Variants in ANTXR2 observed in about 807,000 individuals in gnomAD.
ANTXR2 encodes anthrax toxin receptor 2.
A neutral mutation model predicts 73.7 loss-of-function variants in ANTXR2; 44 were observed. The ratio of observed to expected loss-of-function variants is 0.60; its 90% CI spans 0.47 to 0.77. ANTXR2 has a LOEUF of 0.77. Among genes scored for constraint, ANTXR2 ranks in the 30% least tolerant of loss-of-function variants. The pLI is 0.00. For synonymous variants in ANTXR2, 217 were observed against 205.9 expected (o/e 1.05, Z -0.46); for missense variants, 604 against 592.5 (o/e 1.02, Z -0.20).
intron 16 of ANTXR2, among the ~76,000 whole-genome samples, chr4:79,925,349 G>T (rs1578087571): frequency 6.7e-6 from 1 of 149,482 alleles, no homozygotes; most frequent in African/African-American, 2.5e-5. Flanking sequence ...ATTTATGCAG[G>T]TTTCTTGGGC....
At chr4:80,012,515 T>C (rs1165056488) in intron 11 of ANTXR2, among the ~76,000 whole-genome samples, 2 of 152,222 alleles carry the variant, frequency 1.3e-5, no homozygotes, top group Admixed American at 1.3e-4. Context: ...AGAGACCATA[T>C]GGCCCCCAAA....
At chr4:79,999,926 A>C (rs1240918374) in intron 12 of ANTXR2, among the ~76,000 whole-genome samples, 4 of 152,158 alleles carry the variant, frequency 2.6e-5, no homozygotes, top group African/African-American at 9.6e-5. Context: ...CTCAAAAAAA[A>C]ATCTGAGCAA....
intron 12 of ANTXR2, among the ~76,000 whole-genome samples, chr4:79,993,760 G>GTGCACACACACA (rs1553931142): frequency 1.2e-4 from 17 of 140,658 alleles, no homozygotes; most frequent in Non-Finnish European, 1.8e-4. Context: ...ACACACACAC[G>GTGCACACACACA]CACACACACA....
intron 16 of ANTXR2, among the ~76,000 whole-genome samples, chr4:79,960,272 C>T (rs1406228532): frequency 6.6e-6 from 1 of 152,096 alleles, no homozygotes; most frequent in South Asian, 2.1e-4. Context: ...TAATATGATT[C>T]AAAACAAAAG....
In ANTXR2 at chr4:79,996,368, T is replaced by C. The variant is rs140779109; in HGVS notation, c.1042-11505A>G. Among the ~76,000 whole-genome samples the C allele has an allele frequency of 2.4e-3, 369 of 151,952 alleles. 1 individual carries two copies. Among genetic ancestry groups the C allele is most frequent in the African/African-American group, 4.5e-3 (185 of 41,490 alleles). On this transcript the variant is annotated intron_variant, in intron 12 of 16. Transcript: ENST00000403729. ...ATGGATGGATGGATGAATGAATGAATTGACAAATAGATGATAGATAATTAC... is the reference window on the plus strand; with the variant it reads ...ATGGATGGATGGATGAATGAATGAACTGACAAATAGATGATAGATAATTAC...
rs374355029 is a variant in ANTXR2 at position 80,002,357 on chromosome 4, G to A, written c.1041+6164C>T. 1.7e-3 allele frequency among the ~76,000 whole-genome samples: 263 copies of A among 152,142 alleles called. 2 individuals are homozygous for A. Among genetic ancestry groups the A allele is most frequent in the African/African-American group, 5.8e-3 (242 of 41,530 alleles). ...GGTGCTGGGAAAACTGGCTAGCCATGTGTAGAAAGCTGAAACTGGATCCCT... is the reference window on the plus strand; with the variant it reads ...GGTGCTGGGAAAACTGGCTAGCCATATGTAGAAAGCTGAAACTGGATCCCT... On this transcript the variant is annotated intron_variant, in intron 12 of 16. Coordinates refer to ENST00000403729, the MANE Select transcript of ANTXR2 (RefSeq NM_058172.6).
chr4:79,934,336 C>T (rs1728176416), intron 16 of ANTXR2, among the ~76,000 whole-genome samples: 1 of 152,098 alleles, frequency 6.6e-6, no homozygotes, highest in Non-Finnish European at 1.5e-5. Flanking sequence ...CAAGACCAGC[C>T]TGGCCAACAT....
chr4:80,043,358 C>T (rs1018877684), intron 7 of ANTXR2, among the ~76,000 whole-genome samples: 3 of 151,978 alleles, frequency 2.0e-5, no homozygotes, highest in Non-Finnish European at 4.4e-5. Context: ...ACCTTCTCTC[C>T]TACTTAAGAT....
chr4:79,925,991 T>A (rs62297557), intron 16 of ANTXR2, among the ~76,000 whole-genome samples: 12,433 of 152,100 alleles, frequency 0.082, 598 homozygotes, highest in Middle Eastern at 0.19. Context: ...ATATCTACCA[T>A]CAATGAGTGT....
chr4:79,953,756 A>G (rs761738082), intron 16 of ANTXR2, among the ~76,000 whole-genome samples: 1 of 152,076 alleles, frequency 6.6e-6, no homozygotes, highest in East Asian at 1.9e-4. Context: ...CCTCTGGACA[A>G]TATCTGTAGG....
chr4:80,011,027 G>C (rs1731547986), intron 11 of ANTXR2, among the ~76,000 whole-genome samples: 1 of 151,788 alleles, frequency 6.6e-6, no homozygotes, highest in Admixed American at 6.6e-5. Context: ...GGCGCCTGTA[G>C]TCCCAGCTAC....
Position 80,072,722 on chromosome 4 carries a change from G to A in ANTXR2, c.-162C>T, listed in dbSNP as rs1488523338. ...AGCGGGACCCACCAGCTGACAGGGAGGGAGAGAGGGAGGTCCTGAGAGGAC... is the reference window on the plus strand; with the variant it reads ...AGCGGGACCCACCAGCTGACAGGGAAGGAGAGAGGGAGGTCCTGAGAGGAC... On this transcript the variant is annotated 5_prime_UTR_variant, in exon 1 of 17. Transcript: ENST00000403729. The A allele has an allele frequency of 2.2e-6, 3 of 1,347,600 alleles. No homozygotes were observed. The highest frequency in any genetic ancestry group is 1.9e-6 in the Non-Finnish European group (2 of 1,055,068). The allele number at this position is 1,347,600 out of a possible 1,614,324, so 83.5% of individuals were successfully genotyped here.
At chr4:80,044,346 T>A (rs1295472656) in intron 7 of ANTXR2, among the ~76,000 whole-genome samples, 1 of 151,952 alleles carries the variant, frequency 6.6e-6, no homozygotes. Context: ...ACACATGCTA[T>A]AATAACAAAC....
intron 3 of ANTXR2, among the ~76,000 whole-genome samples, chr4:80,066,017 T>C (rs1015529946): frequency 2.0e-5 from 3 of 152,206 alleles, no homozygotes; most frequent in Non-Finnish European, 4.4e-5. Context: ...TTTACTGATC[T>C]GCATATAATA....
At chr4:80,061,608 A>G (rs1395519737) in intron 3 of ANTXR2, among the ~76,000 whole-genome samples, 2 of 152,168 alleles carry the variant, frequency 1.3e-5, no homozygotes, top group African/African-American at 4.8e-5. Flanking sequence ...ATTGAGTAGA[A>G]TATGAAACGA....
intron 16 of ANTXR2, among the ~76,000 whole-genome samples, chr4:79,918,837 A>G (rs1394188627): frequency 6.6e-6 from 1 of 152,134 alleles, no homozygotes; most frequent in East Asian, 1.9e-4. Flanking sequence ...ACTTAAAGGA[A>G]TAAATAATAA....
rs917322068 is a variant in ANTXR2 at position 80,045,621 on chromosome 4, TAAAGGATTCATCCCCAATACAA to T, written c.636+8629_636+8650del. Among the ~76,000 whole-genome samples, 27 of 150,826 alleles carry T rather than the reference TAAAGGATTCATCCCCAATACAA, an allele frequency of 1.8e-4. 2 individuals are homozygous for T. The highest frequency in any genetic ancestry group is 5.8e-4 in the African/African-American group (24 of 41,218). ...TGACTCATTGAGCAGCTTTAAACAC[TAAAGGATTCATCCCCAATACAA>T]AAAGATTTCAAGTTTAAATCAGGAG... On this transcript the variant is annotated intron_variant, in intron 7 of 16. Transcript: ENST00000403729.
At chr4:80,026,511 A>G (rs1417118766) in intron 10 of ANTXR2, among the ~76,000 whole-genome samples, 2 of 151,810 alleles carry the variant, frequency 1.3e-5, no homozygotes, top group Non-Finnish European at 2.9e-5. Context: ...GATATATAAG[A>G]GGATTTAAGT....
At chr4:79,915,346 AGCAAGT>A (rs1387644466) in intron 16 of ANTXR2, among the ~76,000 whole-genome samples, 43 of 152,256 alleles carry the variant, frequency 2.8e-4, no homozygotes, top group African/African-American at 9.4e-4. Flanking sequence ...CATTAACCAG[AGCAAGT>A]GTCATGTCTC....
Sources: allele counts gnomAD v4.1 joint callset (sites outside exome capture counted in the v4.1 genomes callset), GRCh38; gene constraint gnomAD v4.1.1; transcripts MANE v1.5; gene names NCBI Gene and HGNC (gene_info 2026-07-23, HGNC 2026-07-21).